AK1: variants seen among roughly 807,000 people sequenced by gnomAD.
The protein encoded by AK1 is adenylate kinase 1.
In AK1, 13 loss-of-function variants were observed where a neutral mutation model predicts 23.9. The ratio of observed to expected loss-of-function variants is 0.54; its 90% CI spans 0.35 to 0.86. The LOEUF is 0.86. AK1 is among the 40% of genes least tolerant of loss of function. The pLI is 0.01. For missense variants in AK1, 214 were observed against 255.1 expected (o/e 0.84, Z 1.10); for synonymous variants, 97 against 102.8 (o/e 0.94, Z 0.34).
rs2131418119 is a variant in AK1, at chr9:127,877,450, A to G, written c.-33+173T>C. Among the ~76,000 whole-genome samples, 1 of 152,274 alleles carries G rather than the reference A, an allele frequency of 6.6e-6. No homozygotes were observed. Among genetic ancestry groups the G allele is most frequent in the East Asian group, 1.9e-4 (1 of 5,174 alleles). ...CACAAAGGCACAGGCAGCGAGGCACAGATCCCCAGCGCCCGGGGAACACAG... is the reference window on the plus strand; with the variant it reads ...CACAAAGGCACAGGCAGCGAGGCACGGATCCCCAGCGCCCGGGGAACACAG... On this transcript the variant is annotated intron_variant, in intron 1 of 6. Coordinates refer to ENST00000644144, the MANE Select transcript of AK1 (RefSeq NM_000476.3). This position sits in a 1 kb window ranked among gnomAD's most constrained non-coding sequence, Gnocchi z 5.2.
intron 1 of AK1, 175 bp from the exon 2 acceptor site, chr9:127,874,824 G>A (rs1829500169): frequency 1.6e-6 from 1 of 638,766 alleles, no homozygotes; most frequent in South Asian, 1.8e-5. Flanking sequence ...AAGCCACCTT[G>A]GGAAAGTGAC....
At chr9:127,873,086 G>T (rs573257482) in intron 2 of AK1, 25 bp from the exon 3 acceptor site, 27 of 1,611,578 alleles carry the variant, frequency 1.7e-5, no homozygotes, top group Non-Finnish European at 2.2e-5. Flanking sequence ...AGGGGAGCAG[G>T]GCTCAGTCAC....
upstream of AK1, chr9:127,878,564 G>A (rs1829587895): frequency 6.6e-6 from 1 of 152,294 alleles, no homozygotes; most frequent in South Asian, 2.1e-4. Flanking sequence ...GCCGGGCAGG[G>A]ATGGGAGCCC....
rs775684067 is a variant in AK1 at position 127,872,793 on chromosome 9, G to A, written c.104C>T (p.Thr35Ile). Residue 35 changes from threonine to isoleucine, a missense_variant, in exon 4 of 7, where the codon ACC becomes ATC. Transcript: ENST00000644144. The stretch of plus-strand genomic sequence containing the variant: ...CAGGAGGTCCCCGGTGGAGAGGTGG[G>A]TGTAGCCATACTTCTGCACGATCTT... ...CEKIVQKYGY[T>I]HLSTGDLLRS... The A allele has an allele frequency of 1.2e-6, 2 of 1,614,092 alleles. No individual in the cohort carries two copies. The highest frequency in any genetic ancestry group is 2.7e-5 in the African/African-American group (2 of 75,038).
upstream of AK1, among the ~76,000 whole-genome samples, chr9:127,879,066 AACACAC>A (rs35534101): frequency 6.5e-3 from 945 of 145,982 alleles, 7 homozygotes; most frequent in African/African-American, 0.015. Flanking sequence ...CTAAAAATAA[AACACAC>A]ACACACACAC....
intron 5 of AK1, among the ~76,000 whole-genome samples, chr9:127,870,219 T>TTTTG (rs1829358940): frequency 1.3e-5 from 2 of 150,492 alleles, no homozygotes; most frequent in African/African-American, 2.4e-5. Context: ...TTTTTTTTTT[T>TTTTG]GAGACGGAGT....
chr9:127,867,793 A>G lies in AK1; in HGVS notation c.*215T>C. The G allele has an allele frequency of 1.8e-6, 1 of 560,082 alleles. No individual in the cohort carries two copies. Among genetic ancestry groups the G allele is most frequent in the Non-Finnish European group, 3.2e-6 (1 of 310,340 alleles). The allele number at this position is 560,082 out of a possible 1,614,324, so 34.7% of individuals were successfully genotyped here. ...CTTGCGGCCAGGTAGGCACAAGCACATGAATCAACTCCAACTGGAAGCAGA... is the reference window on the plus strand; with the variant it reads ...CTTGCGGCCAGGTAGGCACAAGCACGTGAATCAACTCCAACTGGAAGCAGA... On this transcript the variant is annotated 3_prime_UTR_variant, in exon 7 of 7. Transcript: ENST00000644144.
upstream of AK1, among the ~76,000 whole-genome samples, chr9:127,879,066 A>AACACACAC (rs35534101): frequency 6.4e-3 from 932 of 145,994 alleles, 5 homozygotes; most frequent in African/African-American, 0.019. Flanking sequence ...CTAAAAATAA[A>AACACACAC]ACACACACAC....
chr9:127,873,325 AGCCAGCGGGCTGGGCC>A (rs1384266909), intron 2 of AK1: 2 of 1,539,500 alleles, frequency 1.3e-6, no homozygotes, highest in East Asian at 4.9e-5. Flanking sequence ...CTCTCCACAC[AGCCAGCGGGCTGGGCC>A]GCCAGCCCTC....
intron 1 of AK1, among the ~76,000 whole-genome samples, chr9:127,875,851 C>T (rs1334245537): frequency 6.6e-6 from 1 of 152,192 alleles, no homozygotes; most frequent in African/African-American, 2.4e-5. Flanking sequence ...GTCTCCTCAC[C>T]ACTATGTCCT....
chr9:127,873,356 C>A, intron 2 of AK1: 1 of 1,560,086 alleles, frequency 6.4e-7, no homozygotes, highest in Non-Finnish European at 8.6e-7. Context: ...GCCCTCATGG[C>A]GCCTCCCTGT....
Position 127,877,111 on chromosome 9 carries a change from G to A in AK1, c.-33+512C>T, listed in dbSNP as rs1829559307. On this transcript the variant is annotated intron_variant, in intron 1 of 6. Coordinates refer to ENST00000644144, the MANE Select transcript of AK1 (RefSeq NM_000476.3). This position sits in a 1 kb window ranked among gnomAD's most constrained non-coding sequence, Gnocchi z 5.2. ...CCAGGCGGCCACTGAGCAGTGCTGT[G>A]GGAAGGCCCCAAGCGCTGGCCCTGG... is the stretch of plus-strand genomic sequence containing the variant. Among the ~76,000 whole-genome samples the A allele has an allele frequency of 6.6e-6, 1 of 152,158 alleles. No individual in the cohort carries two copies.
intron 5 of AK1, among the ~76,000 whole-genome samples, chr9:127,869,240 T>C (rs3780663): frequency 0.32 from 48,235 of 152,094 alleles, 8,318 homozygotes; most frequent in African/African-American, 0.42. Flanking sequence ...AGCTGCCTGG[T>C]TGGGAGGGCA....
At chr9:127,878,003 A>G (rs2131420027), upstream of AK1, among the ~76,000 whole-genome samples, 1 of 152,366 alleles carries the variant, frequency 6.6e-6, no homozygotes, top group South Asian at 2.1e-4. Flanking sequence ...AGCTGGAGAA[A>G]CTGAGGCTCA....
chr9:127,871,906 C>G lies in AK1; in HGVS notation c.241G>C (p.Val81Leu), dbSNP rs768770372. The G allele has an allele frequency of 1.2e-6, 2 of 1,614,140 alleles. No individual in the cohort carries two copies. Among genetic ancestry groups the G allele is most frequent in the Non-Finnish European group, 1.7e-6 (2 of 1,180,024 alleles). Reference protein sequence around the residue: ...TVLDMLRDAMVAKVNTSKGFL... With the variant: ...TVLDMLRDAMLAKVNTSKGFL... ...CCTTTGGAAGTATTGACTTTGGCCA[C>G]CATGGCATCCCGGAGCATGTCCAAC... The change falls in exon 5 of 7, where the codon GTG becomes CTG. Residue 81 changes from valine to leucine, a missense_variant. Coordinates refer to ENST00000644144, the MANE Select transcript of AK1 (RefSeq NM_000476.3). The surrounding 1 kb of genome is among the most constrained non-coding windows in gnomAD (Gnocchi z 4.4).
chr9:127,867,905 T>C lies in AK1; in HGVS notation c.*103A>G. ...CAGGATAAGCGGCTTCCTCCGTCTGTGCTCAGCAGGGCAGGGTGGAGGCGC... is the reference window on the plus strand; with the variant it reads ...CAGGATAAGCGGCTTCCTCCGTCTGCGCTCAGCAGGGCAGGGTGGAGGCGC... On this transcript the variant is annotated 3_prime_UTR_variant, in exon 7 of 7. Coordinates refer to ENST00000644144, the MANE Select transcript of AK1 (RefSeq NM_000476.3). 1 of 1,122,360 alleles carries C rather than the reference T, an allele frequency of 8.9e-7. No individual in the cohort carries two copies. The allele number at this position is 1,122,360 out of a possible 1,614,324, so 69.5% of individuals were successfully genotyped here. A position where few individuals can be genotyped will look rare whatever the true frequency, so the allele number is the denominator to read the frequency against.
chr9:127,867,795 G>T lies in AK1; in HGVS notation c.*213C>A. ...TGCGGCCAGGTAGGCACAAGCACATGAATCAACTCCAACTGGAAGCAGAGA... is the reference window on the plus strand; with the variant it reads ...TGCGGCCAGGTAGGCACAAGCACATTAATCAACTCCAACTGGAAGCAGAGA... On this transcript the variant is annotated 3_prime_UTR_variant, in exon 7 of 7. Coordinates refer to ENST00000644144, the MANE Select transcript of AK1 (RefSeq NM_000476.3). The T allele has an allele frequency of 1.8e-6, 1 of 562,568 alleles. No individual in the cohort carries two copies. Among genetic ancestry groups the T allele is most frequent in the Non-Finnish European group, 3.2e-6 (1 of 311,652 alleles). 34.8% of individuals were successfully genotyped at this position (562,568 alleles called of 1,614,324 possible).
upstream of AK1, among the ~76,000 whole-genome samples, chr9:127,878,806 G>T (rs78181560): frequency 0.032 from 4,927 of 152,224 alleles, 110 homozygotes; most frequent in South Asian, 0.1. Flanking sequence ...CCCCATCTGT[G>T]GGGGGGCAGG....
upstream of AK1, chr9:127,879,419 G>T (rs1183206850): frequency 6.6e-6 from 1 of 151,942 alleles, no homozygotes; most frequent in East Asian, 1.9e-4. Context: ...GAGGTCAGGA[G>T]TTCGAGACCA....
Sources: allele counts gnomAD v4.1 joint callset (sites outside exome capture counted in the v4.1 genomes callset), GRCh38; gene constraint gnomAD v4.1.1; non-coding constraint Gnocchi (gnomAD v3.1); transcripts MANE v1.5; gene names NCBI Gene and HGNC (gene_info 2026-07-23, HGNC 2026-07-21).